Variants in CHCHD3 observed in about 807,000 individuals in gnomAD.
CHCHD3 encodes the protein coiled-coil-helix-coiled-coil-helix domain containing 3, also known as MICOS complex subunit MIC19.
In CHCHD3, 20 loss-of-function variants were observed where a neutral mutation model predicts 38.2. The observed-to-expected ratio is 0.52, with a 90% CI of 0.37 to 0.76. The LOEUF (loss-of-function observed/expected upper bound fraction) is 0.76, where lower values mean the gene tolerates loss of function less well. Among genes scored for constraint, CHCHD3 ranks in the 30% least tolerant of loss-of-function variants. The pLI is 0.00. For missense variants in CHCHD3, 245 were observed against 279.2 expected, an observed-to-expected ratio of 0.88 and a Z score of 0.87; for synonymous variants, 82 against 100.0, an observed-to-expected ratio of 0.82 and a Z score of 1.07.
chr7:132,950,854 T>C (rs965579935), intron 4 of CHCHD3, among the ~76,000 whole-genome samples: 2 of 152,212 alleles, frequency 1.3e-5, no homozygotes, highest in African/African-American at 4.8e-5. Flanking sequence ...TACAACTCAA[T>C]ATTTTTCCTT....
intron 4 of CHCHD3, among the ~76,000 whole-genome samples, chr7:132,941,484 C>G (rs1810765028): frequency 1.3e-5 from 2 of 152,154 alleles, no homozygotes; most frequent in Non-Finnish European, 2.9e-5. Flanking sequence ...AACAGCCATG[C>G]CATTCTGACA....
At chr7:132,869,041 G>C (rs1445147819) in intron 5 of CHCHD3, among the ~76,000 whole-genome samples, 1 of 152,074 alleles carries the variant, frequency 6.6e-6, no homozygotes, top group Non-Finnish European at 1.5e-5. Flanking sequence ...TCACGAAAAA[G>C]CAAATCCTTG....
chr7:132,907,986 A>T (rs140230999), intron 4 of CHCHD3, among the ~76,000 whole-genome samples: 104 of 152,358 alleles, frequency 6.8e-4, no homozygotes, highest in African/African-American at 2.2e-3. Context: ...ACATACCATG[A>T]CTATGCCACA....
At chr7:132,919,100 C>CTTTTTTTTTTTTTTTTTTTT (rs5887600) in intron 4 of CHCHD3, among the ~76,000 whole-genome samples, 1 of 69,494 alleles carries the variant, frequency 1.4e-5, no homozygotes, top group Non-Finnish European at 2.5e-5. Context: ...TGGGTTTATT[C>CTTTTTTTTTTTTTTTTTTTT]TTTTTTTTTT....
At chr7:133,056,432 C>T (rs2117511028) in intron 2 of CHCHD3, among the ~76,000 whole-genome samples, 1 of 152,214 alleles carries the variant, frequency 6.6e-6, no homozygotes, top group East Asian at 1.9e-4. Flanking sequence ...CCTATTATTC[C>T]TCCTTCAATA....
intron 5 of CHCHD3, among the ~76,000 whole-genome samples, chr7:132,847,043 C>A (rs148654789): frequency 2.5e-3 from 373 of 152,234 alleles, no homozygotes; most frequent in African/African-American, 8.4e-3. Flanking sequence ...AATAACTAGG[C>A]CCCCTCTTCT....
Position 132,975,235 on chromosome 7 carries a change from C to T in CHCHD3, c.303G>A (p.Gln101=), listed in dbSNP as rs1336132882. 2 of 1,612,854 alleles carry T rather than the reference C, an allele frequency of 1.2e-6. No homozygotes were observed. Among genetic ancestry groups the T allele is most frequent in the Non-Finnish European group, 1.7e-6 (2 of 1,180,024 alleles). The change falls in exon 4 of 8, where the codon CAG becomes CAA. Residue 101 remains glutamine, a synonymous_variant. Coordinates refer to ENST00000262570, the MANE Select transcript of CHCHD3 (RefSeq NM_017812.4). ...TCTCCCGAAGGATGGCTCTGGTTAA[C>T]TGCTCATTGGCAGCAGCCCTCTCTC... ...LDRERAAANE[Q]LTRAILRERI...
At chr7:133,022,499 G>T (rs1195144724) in intron 3 of CHCHD3, 1 of 456,262 alleles carries the variant, frequency 2.2e-6, no homozygotes, top group Non-Finnish European at 4.4e-6. Context: ...TTCTTCTCTG[G>T]TAGAAAAAAA....
intron 6 of CHCHD3, among the ~76,000 whole-genome samples, chr7:132,809,036 A>C (rs1563241712): frequency 6.6e-6 from 1 of 151,238 alleles, no homozygotes; most frequent in Non-Finnish European, 1.5e-5. Context: ...TGTAGCTTTG[A>C]CCTCCTGGGC....
intron 4 of CHCHD3, among the ~76,000 whole-genome samples, chr7:132,945,982 G>A (rs1324861616): frequency 1.3e-5 from 2 of 151,778 alleles, no homozygotes; most frequent in Admixed American, 1.3e-4. Context: ...ATGATAACCA[G>A]AACTATCTGT....
At chr7:132,846,904 C>T (rs974561381) in intron 5 of CHCHD3, among the ~76,000 whole-genome samples, 1 of 152,160 alleles carries the variant, frequency 6.6e-6, no homozygotes, top group Non-Finnish European at 1.5e-5. Flanking sequence ...TGTTCAACTA[C>T]AATAATAGTA....
chr7:132,882,059 T>C (rs955123966), intron 5 of CHCHD3, among the ~76,000 whole-genome samples: 4 of 152,184 alleles, frequency 2.6e-5, no homozygotes, highest in African/African-American at 4.8e-5. Context: ...ATTATCGTTA[T>C]CTTATACACA....
intron 6 of CHCHD3, among the ~76,000 whole-genome samples, chr7:132,832,796 C>A (rs1379973345): frequency 6.6e-6 from 1 of 152,176 alleles, no homozygotes; most frequent in Non-Finnish European, 1.5e-5. Flanking sequence ...AGATCTGATT[C>A]TGACATTGAC....
intron 4 of CHCHD3, among the ~76,000 whole-genome samples, chr7:132,964,139 C>T (rs1262122261): frequency 2.6e-5 from 4 of 152,172 alleles, no homozygotes; most frequent in Admixed American, 6.5e-5. Context: ...ATGTATATCA[C>T]GGTTATTCCT....
intron 2 of CHCHD3, among the ~76,000 whole-genome samples, chr7:133,055,366 T>TTATAATTAATTATAATTATGTTA (rs1814288838): frequency 2.1e-5 from 3 of 145,234 alleles, no homozygotes; most frequent in Admixed American, 1.4e-4. Flanking sequence ...ATATATTTGA[T>TTATAATTAATTATAATTATGTTA]TATAATTAAT....
chr7:133,041,691 T>C (rs1813839046), intron 2 of CHCHD3, among the ~76,000 whole-genome samples: 2 of 152,214 alleles, frequency 1.3e-5, no homozygotes, highest in African/African-American at 2.4e-5. Flanking sequence ...CAGAATGAAA[T>C]GAAAGGACTG....
At chr7:133,014,137 A>G (rs1345408000) in intron 3 of CHCHD3, among the ~76,000 whole-genome samples, 1 of 152,164 alleles carries the variant, frequency 6.6e-6, no homozygotes, top group African/African-American at 2.4e-5. Flanking sequence ...GATTTTTATG[A>G]GATTTTTGTT....
chr7:132,973,093 T>A, intron 4 of CHCHD3: 2 of 985,284 alleles, frequency 2.0e-6, no homozygotes, highest in Non-Finnish European at 2.4e-6. Flanking sequence ...ATTTAATGAG[T>A]TTTTTGAGTT....
At chr7:133,018,920 A>G (rs1231365885) in intron 3 of CHCHD3, among the ~76,000 whole-genome samples, 1 of 86,642 alleles carries the variant, frequency 1.2e-5, no homozygotes, top group Non-Finnish European at 2.1e-5. Flanking sequence ...TTTCGCTCTT[A>G]TTGCCCAGGC....
Sources: gnomAD v4.1 joint callset for allele counts (sites outside exome capture counted in the v4.1 genomes callset) on GRCh38, gnomAD v4.1.1 for gene constraint, MANE v1.5 for transcripts, NCBI Gene and HGNC (gene_info 2026-07-23, HGNC 2026-07-21) for gene names.